LTF: variants seen among roughly 807,000 people sequenced by gnomAD.
The protein encoded by LTF is lactotransferrin, also known as epididymis luminal protein 110.
Under a neutral mutation model 87.2 loss-of-function variants are expected in LTF, and 91 were observed. The ratio of observed to expected loss-of-function variants is 1.04; its 90% CI spans 0.88 to 1.24. The LOEUF (loss-of-function observed/expected upper bound fraction) is 1.24, where lower values mean the gene tolerates loss of function less well. Ranked by LOEUF, LTF falls within the 50% of genes most tolerant of loss-of-function variation. The pLI is 0.00. For missense variants in LTF, 901 were observed against 904.3 expected (o/e 1.00, Z 0.05); for synonymous variants, 378 against 356.1 (o/e 1.06, Z -0.69).
intron 13 of LTF, among the ~76,000 whole-genome samples, chr3:46,442,474 G>T (rs1279835870): frequency 6.7e-6 from 1 of 150,154 alleles, no homozygotes; most frequent in Non-Finnish European, 1.5e-5. Context: ...TGTTTCCAGT[G>T]AACTAATACC....
intron 1 of LTF, among the ~76,000 whole-genome samples, chr3:46,482,193 T>C (rs1191939205): frequency 1.3e-5 from 2 of 152,120 alleles, no homozygotes; most frequent in African/African-American, 4.8e-5. Context: ...CAGTGACTCA[T>C]ACCTGTAATC....
chr3:46,456,176 A>C, intron 3 of LTF, 114 bp downstream of exon 3: 2 of 999,740 alleles, frequency 2.0e-6, no homozygotes, highest in South Asian at 3.0e-5. Context: ...TCCATTCCCT[A>C]CATGTGTGAT....
Position 46,438,084 on chromosome 3 carries a change from A to G in LTF, c.1954T>C (p.Leu652=), listed in dbSNP as rs1702428068. The G allele has an allele frequency of 3.1e-6, 5 of 1,614,142 alleles. No individual in the cohort carries two copies. The highest frequency in any genetic ancestry group is 4.2e-6 in the Non-Finnish European group (5 of 1,180,014). ...NGSDCPDKFC[L]FQSETKNLLF... ...AGGTTTTTGGTTTCAGACTGGAATA[A>G]GCAAAACTTGTCCGGGCAGTCAGAT... Residue 652 remains leucine, a synonymous_variant, in exon 16 of 17, where the codon TTA becomes CTA. Coordinates refer to ENST00000231751, the MANE Select transcript of LTF (RefSeq NM_002343.6).
At chr3:46,448,350 G>T (rs1418542983) in intron 9 of LTF, among the ~76,000 whole-genome samples, 1 of 145,442 alleles carries the variant, frequency 6.9e-6, no homozygotes, top group Non-Finnish European at 1.5e-5. Flanking sequence ...CTGGGTGACA[G>T]ATCAAGAATC....
chr3:46,453,051 A>G (rs1343023635), intron 6 of LTF, among the ~76,000 whole-genome samples: 1 of 152,218 alleles, frequency 6.6e-6, no homozygotes, highest in East Asian at 1.9e-4. Flanking sequence ...GACTGAGAAG[A>G]GGTTTTACTA....
chr3:46,460,429 C>T, intron 1 of LTF: 1 of 375,610 alleles, frequency 2.7e-6, no homozygotes, highest in South Asian at 2.1e-5. Flanking sequence ...TGAGCTACCA[C>T]CATTCACTCT....
At chr3:46,467,441 C>G (rs1703230291), upstream of LTF, among the ~76,000 whole-genome samples, 1 of 151,790 alleles carries the variant, frequency 6.6e-6, no homozygotes, top group Admixed American at 6.6e-5. Context: ...CATGAGGGCT[C>G]CAGAAGAACT....
upstream of LTF, among the ~76,000 whole-genome samples, chr3:46,465,666 A>C (rs1464994855): frequency 1.3e-5 from 2 of 150,884 alleles, no homozygotes; most frequent in Non-Finnish European, 2.9e-5. Flanking sequence ...GATAGTATTC[A>C]GTAGGAAATG....
intron 5 of LTF, among the ~76,000 whole-genome samples, chr3:46,454,850 C>T (rs6441995): frequency 0.42 from 64,105 of 152,086 alleles, 14,579 homozygotes; most frequent in African/African-American, 0.59. Flanking sequence ...CCTTCAGCCA[C>T]GGGGAGAGGC....
At chr3:46,445,680 GT>G (rs1489688258) in intron 11 of LTF, among the ~76,000 whole-genome samples, 2 of 152,220 alleles carry the variant, frequency 1.3e-5, no homozygotes, top group Non-Finnish European at 2.9e-5. Context: ...ACAGGGGACT[GT>G]CTTCAACCAG....
chr3:46,458,233 C>T (rs903429580), intron 2 of LTF, among the ~76,000 whole-genome samples: 3 of 152,036 alleles, frequency 2.0e-5, no homozygotes, highest in Non-Finnish European at 2.9e-5. Flanking sequence ...CTGTTTGTTT[C>T]GTGATTTAGA....
chr3:46,465,599 C>CT (rs5848800), upstream of LTF, among the ~76,000 whole-genome samples: 633 of 149,532 alleles, frequency 4.2e-3, 4 homozygotes, highest in South Asian at 0.011. Flanking sequence ...TGCCCTACCA[C>CT]TTTTTTTTTT....
intron 1 of LTF, among the ~76,000 whole-genome samples, chr3:46,477,390 C>T (rs1703373942): frequency 6.6e-6 from 1 of 152,246 alleles, no homozygotes; most frequent in South Asian, 2.1e-4. Flanking sequence ...CAAGGCCACA[C>T]CTGCATTCTA....
intron 1 of LTF, among the ~76,000 whole-genome samples, chr3:46,462,153 C>T (rs934681483): frequency 4.6e-5 from 7 of 152,196 alleles, no homozygotes; most frequent in African/African-American, 1.7e-4. Context: ...CATTTGTGAC[C>T]CAGTGAGCAT....
Position 46,450,478 on chromosome 3 carries a change from A to G in LTF, c.882+17T>C. ...CCCCATATCCAAGCAAGTGGGGAGG[A>G]CCGTGGGTGAAGATACCTGTGCCTG... On this transcript the variant is annotated intron_variant, in intron 7 of 16. Coordinates refer to ENST00000231751, the MANE Select transcript of LTF (RefSeq NM_002343.6). 3 of 1,596,064 alleles carry G rather than the reference A, an allele frequency of 1.9e-6. No homozygotes were observed. Among genetic ancestry groups the G allele is most frequent in the Admixed American group, 3.5e-5 (2 of 57,390 alleles).
At chr3:46,479,821 C>T (rs1703409806) in intron 1 of LTF, among the ~76,000 whole-genome samples, 2 of 152,204 alleles carry the variant, frequency 1.3e-5, no homozygotes, top group African/African-American at 2.4e-5. Flanking sequence ...AGCCACTGCG[C>T]CCGGCCAGAA....
Position 46,448,891 on chromosome 3 carries a change from G to C in LTF, c.1184C>G (p.Thr395Ser), listed in dbSNP as rs2106859452. ...CACCAGGGCGATGCAGTCCTCTGTG[G>C]TGGAGGCCGAGGAGCAGGTCACGCT... ...EGSVTCSSASTTEDCIALVLK... is the reference protein window; with the variant it reads ...EGSVTCSSASSTEDCIALVLK... The change falls in exon 9 of 17, where the codon ACC (threonine) becomes AGC (serine). Residue 395 changes from threonine to serine, a missense_variant. Physicochemically the swap from Thr to Ser is moderately conservative, Grantham distance 58. Coordinates refer to ENST00000231751, the MANE Select transcript of LTF (RefSeq NM_002343.6). The C allele has an allele frequency of 6.2e-7, 1 of 1,613,650 alleles. No individual in the cohort carries two copies. Among genetic ancestry groups the C allele is most frequent in the East Asian group, 2.2e-5 (1 of 44,820 alleles).
At chr3:46,476,063 T>A (rs942829532) in intron 1 of LTF, among the ~76,000 whole-genome samples, 1 of 152,226 alleles carries the variant, frequency 6.6e-6, no homozygotes, top group Admixed American at 6.5e-5. Flanking sequence ...AGAAATACAA[T>A]CTATTTTTGT....
chr3:46,470,010 C>T (rs1170977355), intron 2 of LTF, among the ~76,000 whole-genome samples: 1 of 152,208 alleles, frequency 6.6e-6, no homozygotes, highest in Non-Finnish European at 1.5e-5. Flanking sequence ...TGCCCTCTGG[C>T]CCTCTCCTCA....
Sources: gnomAD v4.1 joint callset for allele counts (sites outside exome capture counted in the v4.1 genomes callset) on GRCh38, gnomAD v4.1.1 for gene constraint, MANE v1.5 for transcripts, NCBI Gene and HGNC (gene_info 2026-07-23, HGNC 2026-07-21) for gene names.